MACROD2: variants seen among roughly 807,000 people sequenced by gnomAD.
MACROD2 encodes ADP-ribose glycohydrolase MACROD2.
MACROD2 carries 36 observed loss-of-function variants against 70.4 expected under a neutral mutation model. That is an observed-to-expected ratio of 0.51 (90% CI 0.39 to 0.68). MACROD2 has a LOEUF of 0.68. MACROD2 is among the 30% of genes least tolerant of loss of function. The probability of loss-of-function intolerance (pLI) is 0.00; values close to 1 mark genes in which losing one functional copy is unlikely to be tolerated. For synonymous variants in MACROD2, 172 were observed against 178.8 expected (o/e 0.96, Z 0.30); for missense variants, 496 against 538.4 (o/e 0.92, Z 0.78).
At chr20:14,607,018 C>A (rs1982849697) in intron 4 of MACROD2, among the ~76,000 whole-genome samples, 1 of 152,160 alleles carries the variant, frequency 6.6e-6, no homozygotes. Context: ...TAGTCTTACA[C>A]CTCACATAGC....
intron 5 of MACROD2, among the ~76,000 whole-genome samples, chr20:14,886,904 C>G (rs2073683554): frequency 1.3e-5 from 2 of 152,174 alleles, no homozygotes; most frequent in African/African-American, 4.8e-5. Context: ...CTAAGAAACC[C>G]AGGTTCTCAT....
At chr20:15,078,329 C>G (rs975358838) in intron 5 of MACROD2, among the ~76,000 whole-genome samples, 1 of 152,086 alleles carries the variant, frequency 6.6e-6, no homozygotes, top group Admixed American at 6.6e-5. Context: ...CCAAAGTACC[C>G]CTTCTCCTAA....
intron 8 of MACROD2, among the ~76,000 whole-genome samples, chr20:15,541,560 G>A (rs980646261): frequency 2.6e-5 from 4 of 152,032 alleles, no homozygotes; most frequent in East Asian, 3.8e-4. Context: ...ATCTCCATAC[G>A]CCCCAAAGCA....
At chr20:15,543,147 T>C (rs1226063067) in intron 8 of MACROD2, among the ~76,000 whole-genome samples, 1 of 152,176 alleles carries the variant, frequency 6.6e-6, no homozygotes, top group Admixed American at 6.5e-5. Context: ...CTAAAATCCT[T>C]TGGAGTTTTA....
intron 7 of MACROD2, among the ~76,000 whole-genome samples, chr20:15,434,607 A>G (rs192734609): frequency 6.6e-6 from 1 of 152,280 alleles, no homozygotes; most frequent in Admixed American, 6.5e-5. Flanking sequence ...GGAAAATGGT[A>G]TGGAGATTCC....
At chr20:14,447,723 C>G (rs1423651116) in intron 3 of MACROD2, among the ~76,000 whole-genome samples, 1 of 151,824 alleles carries the variant, frequency 6.6e-6, no homozygotes, top group Non-Finnish European at 1.5e-5. Flanking sequence ...CCAGATGGGC[C>G]AAAGGTCTGT....
chr20:15,250,809 C>T (rs2077149068), intron 6 of MACROD2, among the ~76,000 whole-genome samples: 2 of 152,124 alleles, frequency 1.3e-5, no homozygotes, highest in South Asian at 2.1e-4. Context: ...CTTCTTCCTC[C>T]CCAGTTCATG....
chr20:15,107,876 G>T (rs896422224), intron 5 of MACROD2, among the ~76,000 whole-genome samples: 2 of 151,912 alleles, frequency 1.3e-5, no homozygotes, highest in African/African-American at 4.8e-5. Flanking sequence ...GATAATAAAA[G>T]ACTTTTCCAA....
chr20:15,457,563 T>A (rs567561727), intron 7 of MACROD2, among the ~76,000 whole-genome samples: 1 of 152,268 alleles, frequency 6.6e-6, no homozygotes, highest in South Asian at 2.1e-4. Flanking sequence ...TTATCTGAGC[T>A]TTACTCCAGT....
At position 14,366,940 on chromosome 20, in the gene MACROD2, A is replaced by G. The variant is rs553207645; in HGVS notation, c.272-126539A>G. Among the ~76,000 whole-genome samples, 34 of 151,862 alleles carry G rather than the reference A, an allele frequency of 2.2e-4. No homozygotes were observed. In the South Asian group the frequency reaches 6.3e-3, roughly 28 times the overall value. On this transcript the variant is annotated intron_variant, in intron 3 of 17. Coordinates refer to ENST00000684519, the MANE Select transcript of MACROD2 (RefSeq NM_001351661.2). ...AAAGGCTTGCTTCTGCCATTTTGCT[A>G]TTTGTTTTCTGTATGTCTTATAGCC...
At chr20:15,109,632 G>A (rs1054197678) in intron 5 of MACROD2, among the ~76,000 whole-genome samples, 2 of 152,108 alleles carry the variant, frequency 1.3e-5, no homozygotes, top group Non-Finnish European at 2.9e-5. Context: ...AAAAGCAGCT[G>A]AACAAATAAA....
At chr20:14,863,772 C>G (rs192842346) in intron 5 of MACROD2, among the ~76,000 whole-genome samples, 3 of 152,000 alleles carry the variant, frequency 2.0e-5, no homozygotes, top group Admixed American at 2.0e-4. Context: ...TATCTTCATA[C>G]GATAGATGAA....
intron 8 of MACROD2, among the ~76,000 whole-genome samples, chr20:15,651,595 A>G (rs1200978417): frequency 6.6e-6 from 1 of 152,156 alleles, no homozygotes; most frequent in Non-Finnish European, 1.5e-5. Context: ...CAGGGTCAAT[A>G]TGATGCAAAG....
intron 5 of MACROD2, among the ~76,000 whole-genome samples, chr20:15,052,795 G>A (rs369105): frequency 0.18 from 27,573 of 152,204 alleles, 2,664 homozygotes; most frequent in African/African-American, 0.2. Flanking sequence ...TAGTGCGGAA[G>A]GCATGTTGAA....
Position 15,228,727 on chromosome 20 carries a change from A to T in MACROD2, c.419-1213A>T, listed in dbSNP as rs559866125. ...ATGGTCTCGATTTCCTAACCTCATG[A>T]TCCGCCCACCTCAGCCTCCCAAAGT... On this transcript the variant is annotated intron_variant, in intron 5 of 17. Transcript: ENST00000684519. Among the ~76,000 whole-genome samples, 4 of 151,822 alleles carry T rather than the reference A, an allele frequency of 2.6e-5. No homozygotes were observed. The South Asian group carries it at 8.3e-4, about 32-fold the overall frequency.
At chr20:15,168,255 C>T (rs773775238) in intron 5 of MACROD2, among the ~76,000 whole-genome samples, 46 of 152,108 alleles carry the variant, frequency 3.0e-4, no homozygotes, top group Non-Finnish European at 5.3e-4. Context: ...GGAGACGGCA[C>T]TGACTATTTC....
At chr20:15,289,673 G>T (rs1476829452) in intron 6 of MACROD2, among the ~76,000 whole-genome samples, 1 of 152,126 alleles carries the variant, frequency 6.6e-6, no homozygotes, top group Non-Finnish European at 1.5e-5. Context: ...TGTGAGATTG[G>T]TGATATTGAT....
intron 10 of MACROD2, among the ~76,000 whole-genome samples, chr20:15,925,836 G>T (rs2065480770): frequency 6.6e-6 from 1 of 152,008 alleles, no homozygotes; most frequent in South Asian, 2.1e-4. Flanking sequence ...GCTGTTTTGA[G>T]ACACAATGAT....
intron 6 of MACROD2, among the ~76,000 whole-genome samples, chr20:15,391,941 G>A (rs1234003221): frequency 6.6e-6 from 1 of 152,294 alleles, no homozygotes; most frequent in East Asian, 1.9e-4. Flanking sequence ...ATGTAAGTCA[G>A]CTCCCACACA....
Sources: gnomAD v4.1 joint callset for allele counts (sites outside exome capture counted in the v4.1 genomes callset) on GRCh38, gnomAD v4.1.1 for gene constraint, MANE v1.5 for transcripts, NCBI Gene and HGNC (gene_info 2026-07-23, HGNC 2026-07-21) for gene names.